Variants in WDR70 observed in about 807,000 individuals in gnomAD.
The protein encoded by WDR70 is WD repeat-containing protein 70.
Under a neutral mutation model 88.6 loss-of-function variants are expected in WDR70, and 53 were observed. The observed-to-expected ratio is 0.60, with a 90% confidence interval of 0.48 to 0.75. The LOEUF (loss-of-function observed/expected upper bound fraction) is 0.75. WDR70 is among the 30% of genes least tolerant of loss of function. WDR70 has a pLI of 0.00. For missense variants in WDR70, 610 were observed against 823.2 expected, an observed-to-expected ratio of 0.74 and a Z score of 3.17; for synonymous variants, 280 against 270.0, an observed-to-expected ratio of 1.04 and a Z score of -0.36.
intron 2 of WDR70, among the ~76,000 whole-genome samples, chr5:37,380,289 A>G (rs1748384845): frequency 1.3e-5 from 2 of 151,876 alleles, no homozygotes; most frequent in African/African-American, 2.4e-5. Flanking sequence ...AGACTTACAC[A>G]TATTGGCCTT....
chr5:37,680,921 A>C (rs557454039), intron 10 of WDR70, among the ~76,000 whole-genome samples: 12 of 152,220 alleles, frequency 7.9e-5, no homozygotes, highest in African/African-American at 2.9e-4. Flanking sequence ...AAATGGCTTT[A>C]AATAATGTTA....
At chr5:37,632,306 A>G (rs931068784) in intron 10 of WDR70, among the ~76,000 whole-genome samples, 1 of 152,198 alleles carries the variant, frequency 6.6e-6, no homozygotes, top group Non-Finnish European at 1.5e-5. Context: ...TATATACTAT[A>G]CTATACCTTT....
intron 4 of WDR70, among the ~76,000 whole-genome samples, chr5:37,393,780 A>T (rs1380407420): frequency 6.6e-6 from 1 of 152,012 alleles, no homozygotes; most frequent in Non-Finnish European, 1.5e-5. Context: ...TCCCAGACTC[A>T]AGTGATCCTC....
chr5:37,517,477 C>T (rs944670102), intron 9 of WDR70, among the ~76,000 whole-genome samples: 1 of 151,596 alleles, frequency 6.6e-6, no homozygotes, highest in Non-Finnish European at 1.5e-5. Context: ...AAATGATTCT[C>T]CTACTTCAGC....
rs148015632 is a variant in WDR70 at position 37,479,924 on chromosome 5, T to C, written c.777T>C (p.Asp259=). 1.7e-3 allele frequency: 2,687 copies of C among 1,614,140 alleles called. 3 individuals are homozygous for C. The highest frequency in any genetic ancestry group is 2.1e-3 in the Non-Finnish European group (2,516 of 1,180,014). Residue 259 remains aspartate, a synonymous_variant, in exon 8 of 18, where the codon GAT becomes GAC. Transcript: ENST00000265107. Reference sequence around the variant, plus strand: ...CTCAGGCCAAGGTGATTGACAGAGATGGTTTTGAAGTAATGGAATGTATAA... The same window carrying C: ...CTCAGGCCAAGGTGATTGACAGAGACGGTTTTGAAGTAATGGAATGTATAA... ...GSSQAKVIDR[D]GFEVMECIKG...
At chr5:37,384,177 T>TCC (rs1561831586) in intron 3 of WDR70, among the ~76,000 whole-genome samples, 11 of 141,748 alleles carry the variant, frequency 7.8e-5, no homozygotes, top group South Asian at 2.3e-4. Context: ...TCCCCCCTTT[T>TCC]TTTTTTTTTT....
intron 10 of WDR70, among the ~76,000 whole-genome samples, chr5:37,614,264 G>T (rs1306459026): frequency 6.6e-6 from 1 of 152,122 alleles, no homozygotes; most frequent in Non-Finnish European, 1.5e-5. Context: ...ACGTTGTTGA[G>T]TCCTTCTTAT....
At chr5:37,654,043 C>T (rs894791467) in intron 10 of WDR70, among the ~76,000 whole-genome samples, 8 of 152,032 alleles carry the variant, frequency 5.3e-5, no homozygotes, top group African/African-American at 1.7e-4. Flanking sequence ...GTTAGGGTGT[C>T]GATTTTAGAT....
intron 9 of WDR70, among the ~76,000 whole-genome samples, chr5:37,526,233 A>G (rs1741266697): frequency 6.6e-6 from 1 of 152,234 alleles, no homozygotes. Context: ...AAAAATCCTC[A>G]ATAAAATACT....
intron 5 of WDR70, among the ~76,000 whole-genome samples, chr5:37,406,850 A>C (rs1749369172): frequency 1.3e-5 from 2 of 152,228 alleles, no homozygotes; most frequent in African/African-American, 4.8e-5. Flanking sequence ...AGAGGTAACA[A>C]TCATATTATT....
intron 8 of WDR70, among the ~76,000 whole-genome samples, chr5:37,487,623 A>ATTTTTTTTTTT (rs1303879846): frequency 4.8e-4 from 9 of 18,566 alleles, no homozygotes; most frequent in African/African-American, 8.7e-4. Flanking sequence ...ATATATATAT[A>ATTTTTTTTTTT]TGTATTTTTT....
At chr5:37,579,544 A>C (rs2112422373) in intron 9 of WDR70, among the ~76,000 whole-genome samples, 1 of 144,288 alleles carries the variant, frequency 6.9e-6, no homozygotes, top group East Asian at 2.0e-4. Flanking sequence ...AGATTGCATC[A>C]TTGCACTCCA....
chr5:37,520,781 C>T (rs1561885667), intron 9 of WDR70, among the ~76,000 whole-genome samples: 1 of 152,066 alleles, frequency 6.6e-6, no homozygotes, highest in Non-Finnish European at 1.5e-5. Context: ...TTACTTAAAT[C>T]TGATAAAAAT....
chr5:37,718,545 G>A (rs1318769658), intron 13 of WDR70, among the ~76,000 whole-genome samples: 1 of 152,126 alleles, frequency 6.6e-6, no homozygotes, highest in Non-Finnish European at 1.5e-5. Context: ...ATTTCTGAAA[G>A]CCTTTGACAG....
intron 9 of WDR70, among the ~76,000 whole-genome samples, chr5:37,517,664 AC>A (rs1250699529): frequency 1.3e-5 from 2 of 151,414 alleles, no homozygotes; most frequent in African/African-American, 4.9e-5. Flanking sequence ...ATGGCACCAG[AC>A]CCTAAAATTT....
intron 7 of WDR70, among the ~76,000 whole-genome samples, chr5:37,463,083 C>T (rs1254588204): frequency 1.3e-5 from 2 of 152,004 alleles, no homozygotes; most frequent in Admixed American, 1.3e-4. Flanking sequence ...ACCAGCCTGA[C>T]CAACATGGCG....
chr5:37,603,601 C>G lies in WDR70; in HGVS notation c.918-1463C>G, dbSNP rs1743949370. On this transcript the variant is annotated intron_variant, in intron 9 of 17. Transcript: ENST00000265107. ...CACAGGCAATAAAAGCAAAAATGGG[C>G]AAAAGCGATTGCATTGAAACTAAAA... Among the ~76,000 whole-genome samples the G allele has an allele frequency of 2.0e-5, 3 of 152,138 alleles. No individual in the cohort carries two copies. In the South Asian group the frequency reaches 6.2e-4, roughly 31 times the overall value.
chr5:37,406,779 T>C (rs187927495), intron 5 of WDR70, among the ~76,000 whole-genome samples: 119 of 152,324 alleles, frequency 7.8e-4, no homozygotes, highest in African/African-American at 2.7e-3. Flanking sequence ...TTCGTATCAT[T>C]TGAAGGAATT....
chr5:37,727,087 A>G (rs1747993497), intron 17 of WDR70, 42 bp downstream of exon 17: 2 of 1,583,128 alleles, frequency 1.3e-6, no homozygotes, highest in Non-Finnish European at 1.7e-6. Flanking sequence ...TGTTATGTTT[A>G]ATGAATTGGG....
Sources: gnomAD v4.1 joint callset for allele counts (sites outside exome capture counted in the v4.1 genomes callset) on GRCh38, gnomAD v4.1.1 for gene constraint, MANE v1.5 for transcripts, NCBI Gene and HGNC (gene_info 2026-07-23, HGNC 2026-07-21) for gene names.